Variants in ETV5 observed in about 807,000 individuals in gnomAD.
ETV5 encodes the protein ETS translocation variant 5.
ETV5 carries 10 observed loss-of-function variants against 70.0 expected under a neutral mutation model. That is an observed-to-expected ratio of 0.14 (90% CI 0.09 to 0.24). The LOEUF (loss-of-function observed/expected upper bound fraction) is 0.24. ETV5 is among the 10% of genes least tolerant of loss of function. The pLI, the probability that ETV5 is intolerant of heterozygous loss-of-function variation, is 1.00. For synonymous variants in ETV5, 216 were observed against 242.2 expected (o/e 0.89, Z 1.01); for missense variants, 453 against 651.2 (o/e 0.70, Z 3.31).
At chr3:186,084,732 G>T (rs1378217201) in intron 5 of ETV5, among the ~76,000 whole-genome samples, 2 of 152,142 alleles carry the variant, frequency 1.3e-5, no homozygotes, top group African/African-American at 4.8e-5. Context: ...CTATTCGAGG[G>T]GAGAAGAGGC....
rs760771970 is a variant in ETV5 at position 186,105,114 on chromosome 3, A to G, written c.232+191T>C. 2.9e-5 allele frequency: 15 copies of G among 516,370 alleles called. No homozygotes were observed. Among genetic ancestry groups the G allele is most frequent in the Middle Eastern group, 5.0e-4 (1 of 2,000 alleles). The allele number at this position is 516,370 out of a possible 1,614,324, so 32.0% of individuals were successfully genotyped here. A position where few individuals can be genotyped will look rare whatever the true frequency, so the allele number is the denominator to read the frequency against. ...GTTCAGTAAATCTTACCTGCAATAC[A>G]GTAGAAATACTTTAGAAATAATTTT... On this transcript the variant is annotated intron_variant, in intron 5 of 12. Transcript: ENST00000306376. The surrounding 1 kb of genome is among the most constrained non-coding windows in gnomAD (Gnocchi z 4.5).
At chr3:186,073,119 G>A (rs1354865093) in intron 7 of ETV5, among the ~76,000 whole-genome samples, 1 of 152,168 alleles carries the variant, frequency 6.6e-6, no homozygotes, top group Non-Finnish European at 1.5e-5. Context: ...GCGATGGAGT[G>A]AGACTCCGTC....
chr3:186,057,467 C>T lies in ETV5; in HGVS notation c.995G>A (p.Arg332Gln), dbSNP rs763251587. The T allele has an allele frequency of 6.8e-6, 11 of 1,613,984 alleles. No homozygotes were observed. Among genetic ancestry groups the T allele is most frequent in the East Asian group, 4.5e-5 (2 of 44,882 alleles). ...AACACAAGTGTCGTCAAAGTATAAT[C>T]GGGGATCTTTTTCATATGAAAAACC... Reference protein sequence around the residue: ...HEGFSYEKDPRLYFDDTCVVP... With the variant: ...HEGFSYEKDPQLYFDDTCVVP... Residue 332 changes from arginine to glutamine, a missense_variant, in exon 10 of 13, where the codon CGA becomes CAA. By Grantham distance (43) the Arg-to-Gln change is conservative. Coordinates refer to ENST00000306376, the MANE Select transcript of ETV5 (RefSeq NM_004454.3). This position sits in a 1 kb window ranked among gnomAD's most constrained non-coding sequence, Gnocchi z 4.9.
intron 9 of ETV5, 107 bp downstream of exon 9, chr3:186,064,310 G>A (rs1713381421): frequency 9.2e-7 from 1 of 1,089,012 alleles, no homozygotes; most frequent in Non-Finnish European, 1.4e-6. Flanking sequence ...TATTAGTCAA[G>A]CAAAGAAAGA....
At chr3:186,087,730 C>G (rs1170365168) in intron 5 of ETV5, among the ~76,000 whole-genome samples, 5 of 152,124 alleles carry the variant, frequency 3.3e-5, no homozygotes, top group Admixed American at 2.6e-4. Flanking sequence ...AAGGCGGCCA[C>G]CCCATGCCCG....
At position 186,105,292 on chromosome 3, in the gene ETV5, G is replaced by C. The variant is rs1484209210; in HGVS notation, c.232+13C>G. 1.2e-6 allele frequency: 2 copies of C among 1,607,174 alleles called. No individual in the cohort carries two copies. Among genetic ancestry groups the C allele is most frequent in the Admixed American group, 1.7e-5 (1 of 59,168 alleles). The stretch of plus-strand genomic sequence containing the variant: ...TTTCAGAACAAATGTGCCATCACCA[G>C]AAAGGTACTTACGGTTATCAGACTG... On this transcript the variant is annotated intron_variant, in intron 5 of 12. Transcript: ENST00000306376. The surrounding 1 kb of genome is among the most constrained non-coding windows in gnomAD (Gnocchi z 4.5).
At chr3:186,106,678 A>G (rs1714595432) in intron 1 of ETV5, among the ~76,000 whole-genome samples, 1 of 152,188 alleles carries the variant, frequency 6.6e-6, no homozygotes, top group African/African-American at 2.4e-5. Context: ...CATCTCTACC[A>G]AAGGTCTTTT....
At chr3:186,066,820 A>T (rs758565044) in intron 7 of ETV5, among the ~76,000 whole-genome samples, 17 of 152,376 alleles carry the variant, frequency 1.1e-4, no homozygotes, top group Non-Finnish European at 2.5e-4. Context: ...AAACAATAAT[A>T]CAACAAATTG....
chr3:186,080,077 C>T lies in ETV5; in HGVS notation c.390G>A (p.Gly130=). 6.7e-7 allele frequency: 1 copy of T among 1,502,946 alleles called. No homozygotes were observed. The allele number at this position is 1,502,946 out of a possible 1,614,324, so 93.1% of individuals were successfully genotyped here. A position where few individuals can be genotyped will look rare whatever the true frequency, so the allele number is the denominator to read the frequency against. Reference sequence around the variant, plus strand: ...TTGTAGGAGGGGTTAATGGCTTGAACCCAGAGGGAGGCTTCCTATCATAGG... The same window carrying T: ...TTGTAGGAGGGGTTAATGGCTTGAATCCAGAGGGAGGCTTCCTATCATAGG... ...YCAYDRKPPS[G]FKPLTPPTTP... is the part of the protein sequence containing the mutation. The change falls in exon 7 of 13, where the codon GGG becomes GGA. Residue 130 remains glycine (G), a synonymous_variant. Coordinates refer to ENST00000306376, the MANE Select transcript of ETV5 (RefSeq NM_004454.3).
Position 186,047,116 on chromosome 3 carries a change from T to C in ETV5, c.*1523A>G, listed in dbSNP as rs1166910877. On this transcript the variant is annotated 3_prime_UTR_variant, in exon 13 of 13. Coordinates refer to ENST00000306376, the MANE Select transcript of ETV5 (RefSeq NM_004454.3). ...CGAGGAACAGTGTAGTCATTCTTAA[T>C]GTACTAAGTGTCACGGGGAGCACAG... The C allele has an allele frequency of 2.6e-5, 6 of 228,478 alleles. No homozygotes were observed. Among genetic ancestry groups the C allele is most frequent in the African/African-American group, 1.3e-4 (6 of 45,066 alleles). 14.2% of individuals were successfully genotyped at this position (228,478 alleles called of 1,614,324 possible).
intron 7 of ETV5, 118 bp from the exon 8 acceptor site, chr3:186,066,190 C>T: frequency 1.4e-6 from 1 of 729,958 alleles, no homozygotes; most frequent in East Asian, 4.6e-5. Flanking sequence ...CTTAATAATG[C>T]TTATTTCTGG....
At chr3:186,062,671 A>G (rs1427680230) in intron 9 of ETV5, among the ~76,000 whole-genome samples, 1 of 152,182 alleles carries the variant, frequency 6.6e-6, no homozygotes, top group Non-Finnish European at 1.5e-5. Flanking sequence ...TAGGGCTGCT[A>G]TGAGAATTAA....
intron 11 of ETV5, among the ~76,000 whole-genome samples, chr3:186,055,743 A>C (rs1362997879): frequency 6.6e-6 from 1 of 152,178 alleles, no homozygotes; most frequent in African/African-American, 2.4e-5. Flanking sequence ...TTCCAAACCA[A>C]GTCCCCGGTT....
intron 5 of ETV5, among the ~76,000 whole-genome samples, chr3:186,100,250 T>G (rs1714420676): frequency 1.3e-5 from 2 of 152,246 alleles, no homozygotes; most frequent in South Asian, 4.1e-4. Flanking sequence ...TCAGAACTAC[T>G]GATTCCTGAA....
At chr3:186,078,174 C>A in intron 7 of ETV5, 15 of 1,051,450 alleles carry the variant, frequency 1.4e-5, no homozygotes, top group Non-Finnish European at 1.7e-5. Flanking sequence ...TATTTGTCTC[C>A]CAACTCAGTT....
intron 12 of ETV5, among the ~76,000 whole-genome samples, chr3:186,049,439 T>C (rs1224042456): frequency 6.6e-6 from 1 of 152,216 alleles, no homozygotes; most frequent in Non-Finnish European, 1.5e-5. Flanking sequence ...TTCTGCATTA[T>C]AATATTAGAA....
At chr3:186,095,522 C>T (rs1240676484) in intron 5 of ETV5, among the ~76,000 whole-genome samples, 7 of 152,148 alleles carry the variant, frequency 4.6e-5, no homozygotes, top group Admixed American at 2.0e-4. Context: ...AATCCAAACC[C>T]TAGGGAAATG....
In ETV5 at chr3:186,054,003, C is replaced by T. The variant is rs566356181; in HGVS notation, c.1210-1872G>A. ...ATCCTTGAATATTCTTCAACTTCAGCGGCCACCTCTCAGCTGTCACTTGCA... is the reference window on the plus strand; with the variant it reads ...ATCCTTGAATATTCTTCAACTTCAGTGGCCACCTCTCAGCTGTCACTTGCA... On this transcript the variant is annotated intron_variant, in intron 11 of 12. Coordinates refer to ENST00000306376, the MANE Select transcript of ETV5 (RefSeq NM_004454.3). This position sits in a 1 kb window ranked among gnomAD's most constrained non-coding sequence, Gnocchi z 4.4. Among the ~76,000 whole-genome samples the T allele has an allele frequency of 7.9e-5, 12 of 152,360 alleles. No individual in the cohort carries two copies. The highest frequency in any genetic ancestry group is 2.1e-4 in the South Asian group (1 of 4,826).
intron 8 of ETV5, 184 bp from the exon 9 acceptor site, chr3:186,064,660 C>A: frequency 1.7e-6 from 1 of 583,014 alleles, no homozygotes; most frequent in Non-Finnish European, 3.1e-6. Context: ...CCATAACCCA[C>A]CAGCTGAAAG....
Sources: allele counts gnomAD v4.1 joint callset (sites outside exome capture counted in the v4.1 genomes callset), GRCh38; gene constraint gnomAD v4.1.1; non-coding constraint Gnocchi (gnomAD v3.1); transcripts MANE v1.5; gene names NCBI Gene and HGNC (gene_info 2026-07-23, HGNC 2026-07-21).